MAGI3: variants seen among roughly 807,000 people sequenced by gnomAD.
MAGI3 encodes the protein membrane associated guanylate kinase, WW and PDZ domain containing 3.
In MAGI3, 43 loss-of-function variants were observed where a neutral mutation model predicts 121.8. The ratio of observed to expected loss-of-function variants is 0.35; its 90% CI spans 0.28 to 0.46. The LOEUF (loss-of-function observed/expected upper bound fraction) is 0.46, where lower values mean the gene tolerates loss of function less well. Ranked by LOEUF, MAGI3 falls within the 20% of genes least tolerant of loss-of-function variation. The pLI is 1.00. For synonymous variants in MAGI3, 553 were observed against 639.3 expected (o/e 0.86, Z 2.04); for missense variants, 1,547 against 1,797.3 (o/e 0.86, Z 2.52).
intron 1 of MAGI3, among the ~76,000 whole-genome samples, chr1:113,464,629 T>G (rs1655187069): frequency 6.6e-6 from 1 of 152,210 alleles, no homozygotes; most frequent in Non-Finnish European, 1.5e-5. Context: ...TGTATAAGGG[T>G]TCCCCTTTGT....
intron 1 of MAGI3, among the ~76,000 whole-genome samples, chr1:113,533,104 C>T (rs1246435489): frequency 2.0e-5 from 3 of 152,170 alleles, no homozygotes; most frequent in Middle Eastern, 6.8e-3. Context: ...AGCTAAATAA[C>T]GTAGTATTAG....
At chr1:113,556,492 T>C (rs1460251876) in intron 2 of MAGI3, among the ~76,000 whole-genome samples, 1 of 150,786 alleles carries the variant, frequency 6.6e-6, no homozygotes, top group Non-Finnish European at 1.5e-5. Context: ...ATATCAGGAA[T>C]GAGAGAGGTG....
At chr1:113,505,048 A>G (rs973059941) in intron 1 of MAGI3, among the ~76,000 whole-genome samples, 1 of 152,002 alleles carries the variant, frequency 6.6e-6, no homozygotes, top group African/African-American at 2.4e-5. Flanking sequence ...ATGGCAGGGC[A>G]GTATGTAGCA....
At chr1:113,396,221 G>A (rs1651109377) in intron 1 of MAGI3, among the ~76,000 whole-genome samples, 1 of 151,680 alleles carries the variant, frequency 6.6e-6, no homozygotes, top group South Asian at 2.1e-4. Flanking sequence ...TATGTTGAAA[G>A]AGAATCTTGT....
At chr1:113,526,484 A>G (rs893746282) in intron 1 of MAGI3, among the ~76,000 whole-genome samples, 2 of 152,228 alleles carry the variant, frequency 1.3e-5, no homozygotes, top group African/African-American at 4.8e-5. Flanking sequence ...AGAGAACCTA[A>G]TATTTGAGGA....
At chr1:113,592,204 A>C (rs1442748073) in intron 5 of MAGI3, among the ~76,000 whole-genome samples, 1 of 152,178 alleles carries the variant, frequency 6.6e-6, no homozygotes. Context: ...AATATGTAGA[A>C]TATAGTTAAA....
chr1:113,451,707 A>G (rs1315052105), intron 1 of MAGI3, among the ~76,000 whole-genome samples: 1 of 152,208 alleles, frequency 6.6e-6, no homozygotes, highest in African/African-American at 2.4e-5. Flanking sequence ...CGGCATTAAG[A>G]AGAGAAAATA....
At chr1:113,615,837 T>C (rs535640572) in intron 7 of MAGI3, among the ~76,000 whole-genome samples, 1 of 152,314 alleles carries the variant, frequency 6.6e-6, no homozygotes, top group African/African-American at 2.4e-5. Context: ...TCTTTTATTA[T>C]TATTTTTTCC....
intron 10 of MAGI3, 81 bp from the exon 11 acceptor site, chr1:113,643,662 G>C: frequency 1.5e-6 from 2 of 1,369,880 alleles, no homozygotes; most frequent in Non-Finnish European, 2.1e-6. Context: ...GTTGAAGCTA[G>C]TTTTATCGTA....
At chr1:113,629,759 T>TCCCC (rs1335092471) in intron 9 of MAGI3, among the ~76,000 whole-genome samples, 4 of 80,586 alleles carry the variant, frequency 5.0e-5, no homozygotes, top group Admixed American at 1.8e-4. Flanking sequence ...TCTCTCTCTC[T>TCCCC]CTCCCTCCCT....
intron 16 of MAGI3, among the ~76,000 whole-genome samples, chr1:113,670,003 CAAAAAAAAA>C (rs11302295): frequency 4.7e-5 from 4 of 85,242 alleles, no homozygotes; most frequent in Admixed American, 4.6e-4. Context: ...TCCAGGTCTC[CAAAAAAAAA>C]AAAAAAAAAA....
chr1:113,451,390 T>C (rs1041675773), intron 1 of MAGI3, among the ~76,000 whole-genome samples: 1 of 152,174 alleles, frequency 6.6e-6, no homozygotes, highest in Non-Finnish European at 1.5e-5. Flanking sequence ...TTATATATGT[T>C]AAAGAAAATA....
intron 1 of MAGI3, among the ~76,000 whole-genome samples, chr1:113,523,119 C>G (rs1424224930): frequency 6.6e-6 from 1 of 152,184 alleles, no homozygotes; most frequent in Non-Finnish European, 1.5e-5. Context: ...GCTCTCTTTT[C>G]TTTTCTGCCA....
intron 9 of MAGI3, among the ~76,000 whole-genome samples, chr1:113,626,734 G>A (rs1042017505): frequency 6.6e-5 from 10 of 152,038 alleles, no homozygotes; most frequent in African/African-American, 1.7e-4. Flanking sequence ...CAATTTGTTG[G>A]CATATAGTTG....
At chr1:113,526,076 T>A (rs1658435127) in intron 1 of MAGI3, among the ~76,000 whole-genome samples, 1 of 152,088 alleles carries the variant, frequency 6.6e-6, no homozygotes, top group Non-Finnish European at 1.5e-5. Flanking sequence ...AAGAAAAAAA[T>A]TAGACCAAAA....
chr1:113,653,042 T>A (rs2100986132), intron 14 of MAGI3, among the ~76,000 whole-genome samples: 1 of 152,304 alleles, frequency 6.6e-6, no homozygotes, highest in Middle Eastern at 3.4e-3. Context: ...ATATCATCAC[T>A]CAGGAAACTG....
At chr1:113,514,794 A>G (rs931947658) in intron 1 of MAGI3, among the ~76,000 whole-genome samples, 1 of 152,106 alleles carries the variant, frequency 6.6e-6, no homozygotes, top group East Asian at 1.9e-4. Context: ...AAGAAAAGCA[A>G]CATTTGTACC....
At chr1:113,415,281 G>T (rs1652239469) in intron 1 of MAGI3, among the ~76,000 whole-genome samples, 1 of 152,030 alleles carries the variant, frequency 6.6e-6, no homozygotes, top group Non-Finnish European at 1.5e-5. Context: ...GGGTGTTTTT[G>T]AATTGTCTAT....
chr1:113,593,663 C>T (rs1396744615), intron 5 of MAGI3, among the ~76,000 whole-genome samples: 2 of 152,138 alleles, frequency 1.3e-5, no homozygotes, highest in African/African-American at 2.4e-5. Flanking sequence ...TAAACTAACA[C>T]TGTTTGTCCA....
Sources: gnomAD v4.1 joint callset for allele counts (sites outside exome capture counted in the v4.1 genomes callset) on GRCh38, gnomAD v4.1.1 for gene constraint, MANE v1.5 for transcripts, NCBI Gene and HGNC (gene_info 2026-07-23, HGNC 2026-07-21) for gene names.